The following BNC2 variants were observed in gnomAD, a reference collection of about 807,000 sequenced individuals.
BNC2 encodes basonuclin zinc finger protein 2.
BNC2 carries 20 observed loss-of-function variants against 76.3 expected under a neutral mutation model. That is an observed-to-expected ratio of 0.26 (90% CI 0.18 to 0.38). The LOEUF is 0.38. BNC2 is among the 10% of genes least tolerant of loss of function. The pLI is 1.00. For synonymous variants in BNC2, 582 were observed against 514.8 expected (o/e 1.13, Z -1.77); for missense variants, 1,382 against 1,399.8 (o/e 0.99, Z 0.20).
rs575421134 is a variant in BNC2 at position 16,744,127 on chromosome 9, C to T, written c.4-5642G>A. Among the ~76,000 whole-genome samples the T allele has an allele frequency of 2.6e-4, 39 of 151,888 alleles. No homozygotes were observed. The South Asian group carries it at 5.6e-3, about 22-fold the overall frequency. Reference sequence around the variant, plus strand: ...GACTACAGGCGCCTGCCACCACGCCCGGCTAATTTTTTTTTGTATTTTTAG... The same window carrying T: ...GACTACAGGCGCCTGCCACCACGCCTGGCTAATTTTTTTTTGTATTTTTAG... On this transcript the variant is annotated intron_variant, in intron 1 of 6. Coordinates refer to ENST00000380672, the MANE Select transcript of BNC2 (RefSeq NM_017637.6).
chr9:16,482,188 T>C (rs186350993), intron 5 of BNC2, among the ~76,000 whole-genome samples: 1 of 152,318 alleles, frequency 6.6e-6, no homozygotes, highest in East Asian at 1.9e-4. Flanking sequence ...ATAATTGTGT[T>C]TTAATGTTTT....
intron 3 of BNC2, among the ~76,000 whole-genome samples, chr9:16,599,514 T>C (rs933808647): frequency 9.2e-5 from 14 of 152,250 alleles, no homozygotes; most frequent in Admixed American, 3.9e-4. Context: ...CCAGGCGCAG[T>C]GGCTCACGCC....
At chr9:16,792,520 AG>A (rs1454812773) in intron 1 of BNC2, among the ~76,000 whole-genome samples, 1 of 152,240 alleles carries the variant, frequency 6.6e-6, no homozygotes, top group Admixed American at 6.5e-5. Flanking sequence ...TTCTGGCAAA[AG>A]AACAAGGATG....
chr9:16,725,659 A>C (rs1824294402), intron 3 of BNC2, among the ~76,000 whole-genome samples: 1 of 152,340 alleles, frequency 6.6e-6, no homozygotes, highest in South Asian at 2.1e-4. Context: ...TTCTCTCCAT[A>C]TAATCACTGA....
At chr9:16,807,412 A>T (rs952670627) in intron 1 of BNC2, among the ~76,000 whole-genome samples, 4 of 152,348 alleles carry the variant, frequency 2.6e-5, no homozygotes, top group Non-Finnish European at 2.9e-5. Flanking sequence ...AAGAAATAAG[A>T]TACCATATTA....
At chr9:16,504,071 C>G (rs146155369) in intron 5 of BNC2, among the ~76,000 whole-genome samples, 70 of 152,136 alleles carry the variant, frequency 4.6e-4, no homozygotes, top group African/African-American at 1.6e-3. Context: ...CAAATTTAAG[C>G]AAAAACACAT....
chr9:16,801,923 G>A (rs1174429331), intron 1 of BNC2, among the ~76,000 whole-genome samples: 1 of 151,986 alleles, frequency 6.6e-6, no homozygotes, highest in Non-Finnish European at 1.5e-5. Flanking sequence ...AAGTAAAACA[G>A]CCCATAAAAG....
intron 3 of BNC2, among the ~76,000 whole-genome samples, chr9:16,611,096 G>C (rs1238075179): frequency 1.3e-5 from 2 of 152,150 alleles, no homozygotes; most frequent in Non-Finnish European, 2.9e-5. Context: ...ACAAGCAAGA[G>C]AAGACTGTGA....
chr9:16,574,170 T>A (rs1157910981), intron 4 of BNC2, among the ~76,000 whole-genome samples: 1 of 152,178 alleles, frequency 6.6e-6, no homozygotes, highest in Non-Finnish European at 1.5e-5. Flanking sequence ...GTGTTCTGCT[T>A]AACCTGGTGA....
At chr9:16,424,459 AG>A (rs1378306465) in intron 6 of BNC2, among the ~76,000 whole-genome samples, 1 of 131,742 alleles carries the variant, frequency 7.6e-6, no homozygotes, top group Non-Finnish European at 1.7e-5. Flanking sequence ...AAAATAACTG[AG>A]GCCCCACTTT....
intron 1 of BNC2, among the ~76,000 whole-genome samples, chr9:16,801,456 T>C (rs1817776438): frequency 6.6e-6 from 1 of 151,772 alleles, no homozygotes; most frequent in African/African-American, 2.4e-5. Context: ...CAGGCTGGTC[T>C]TGAACTCGTG....
At chr9:16,699,515 T>G (rs1021193222) in intron 3 of BNC2, among the ~76,000 whole-genome samples, 1 of 152,214 alleles carries the variant, frequency 6.6e-6, no homozygotes, top group African/African-American at 2.4e-5. Context: ...AAGTATTTTT[T>G]AAACTAGTAA....
At chr9:16,665,838 A>G (rs980182601) in intron 3 of BNC2, among the ~76,000 whole-genome samples, 1 of 152,194 alleles carries the variant, frequency 6.6e-6, no homozygotes, top group Non-Finnish European at 1.5e-5. Flanking sequence ...CGATCTGTAA[A>G]CAAATACTTC....
At position 16,820,892 on chromosome 9, in the gene BNC2, CA is replaced by C. The variant is rs1037580430; in HGVS notation, c.3+49753del. Among the ~76,000 whole-genome samples the C allele has an allele frequency of 3.4e-4, 52 of 151,874 alleles. No individual in the cohort carries two copies. The Middle Eastern group carries it at 0.01, about 30-fold the overall frequency. On this transcript the variant is annotated intron_variant, in intron 1 of 6. Transcript: ENST00000380672. ...AAACAGCAATGGGAAAACCCCTAAC[CA>C]GGGCAATGATGGCTTAAAAGGATTC...
At chr9:16,535,437 T>C (rs948340630) in intron 5 of BNC2, among the ~76,000 whole-genome samples, 3 of 152,192 alleles carry the variant, frequency 2.0e-5, no homozygotes, top group African/African-American at 7.2e-5. Context: ...TAGATTCCCA[T>C]ATACCCAATC....
At chr9:16,508,417 G>C (rs7025065) in intron 5 of BNC2, among the ~76,000 whole-genome samples, 14,358 of 152,098 alleles carry the variant, frequency 0.094, 1,984 homozygotes, top group African/African-American at 0.3. Flanking sequence ...ACAGTCCTTC[G>C]ATCTCTCACT....
At chr9:16,634,270 A>G (rs975552917) in intron 3 of BNC2, among the ~76,000 whole-genome samples, 1 of 152,078 alleles carries the variant, frequency 6.6e-6, no homozygotes, top group Admixed American at 6.5e-5. Context: ...CTATTCCTCT[A>G]TTATTAAGTT....
At chr9:16,697,705 G>A (rs1261239665) in intron 3 of BNC2, among the ~76,000 whole-genome samples, 1 of 149,596 alleles carries the variant, frequency 6.7e-6, no homozygotes, top group Non-Finnish European at 1.5e-5. Flanking sequence ...TAAGCAACAA[G>A]TGAGACTCGA....
chr9:16,626,209 G>C (rs1043196760), intron 3 of BNC2: 1 of 152,066 alleles, frequency 6.6e-6, no homozygotes, highest in African/African-American at 2.4e-5. Flanking sequence ...CAAAAGTGAG[G>C]AACAATTCAA....
Sources: gnomAD v4.1 joint callset for allele counts (sites outside exome capture counted in the v4.1 genomes callset) on GRCh38, gnomAD v4.1.1 for gene constraint, MANE v1.5 for transcripts, NCBI Gene and HGNC (gene_info 2026-07-23, HGNC 2026-07-21) for gene names.